NAA60: variants seen among roughly 807,000 people sequenced by gnomAD.
The protein encoded by NAA60 is N-alpha-acetyltransferase 60.
NAA60 carries 8 observed loss-of-function variants against 26.1 expected under a neutral mutation model. The observed-to-expected ratio is 0.31, with a 90% CI of 0.18 to 0.55. The LOEUF is 0.55. Among genes scored for constraint, NAA60 ranks in the 20% least tolerant of loss-of-function variants. NAA60 has a pLI of 0.93. For synonymous variants in NAA60, 131 were observed against 122.5 expected (o/e 1.07, Z -0.46); for missense variants, 290 against 311.3 (o/e 0.93, Z 0.51).
intron 1 of NAA60, among the ~76,000 whole-genome samples, chr16:3,444,170 G>GC (rs2034455633): frequency 6.6e-6 from 1 of 152,032 alleles, no homozygotes; most frequent in African/African-American, 2.4e-5. Flanking sequence ...GACGTTGTTC[G>GC]CCCCCGGATA....
chr16:3,472,622 A>G (rs2150995098), intron 2 of NAA60, among the ~76,000 whole-genome samples: 1 of 152,166 alleles, frequency 6.6e-6, no homozygotes, highest in Non-Finnish European at 1.5e-5. Context: ...TTTAGTAGAG[A>G]CAGGGTTTCA....
At chr16:3,452,235 T>C (rs893572789) in intron 2 of NAA60, among the ~76,000 whole-genome samples, 3 of 151,704 alleles carry the variant, frequency 2.0e-5, no homozygotes, top group Non-Finnish European at 4.4e-5. Context: ...AAAGACTAAT[T>C]CCCTATGTTG....
intron 2 of NAA60, chr16:3,449,891 G>A (rs1191427364): frequency 7.7e-6 from 3 of 388,646 alleles, no homozygotes; most frequent in African/African-American, 4.1e-5. Context: ...TGTGAGACAT[G>A]CCTTTTACCT....
At chr16:3,449,979 G>T in intron 2 of NAA60, 1 of 398,486 alleles carries the variant, frequency 2.5e-6, no homozygotes, top group Non-Finnish European at 4.4e-6. Flanking sequence ...AAATTGCGCA[G>T]TCTCAGGTAT....
chr16:3,446,530 GAA>G (rs200188990), intron 1 of NAA60, among the ~76,000 whole-genome samples: 3 of 81,838 alleles, frequency 3.7e-5, no homozygotes, highest in Non-Finnish European at 4.9e-5. Context: ...GACTCTGTCT[GAA>G]AAAAAAAAAA....
rs570564808 is a variant in NAA60 at position 3,464,022 on chromosome 16, CTTTTA to C, written c.-6-12175_-6-12171del. 4.2e-3 allele frequency among the ~76,000 whole-genome samples: 632 copies of C among 152,236 alleles called. 6 individuals carry two copies. The highest frequency in any genetic ancestry group is 0.015 in the African/African-American group (603 of 41,546). The stretch of plus-strand genomic sequence containing the variant: ...CAGATTCAGGCAGAAATTTGGATTA[CTTTTA>C]TTTTATTTTATTTTATTTTATTTTG... On this transcript the variant is annotated intron_variant, in intron 2 of 7. Coordinates refer to ENST00000407558, the MANE Select transcript of NAA60 (RefSeq NM_001083601.3).
At chr16:3,467,653 C>T (rs541337778) in intron 2 of NAA60, 5 of 152,294 alleles carry the variant, frequency 3.3e-5, no homozygotes, top group Non-Finnish European at 5.9e-5. Flanking sequence ...GTAACTGAAA[C>T]GCAGTCCATT....
rs114680409 is a variant in NAA60 at position 3,461,124 on chromosome 16, T to C, written c.-7+12584T>C. Among the ~76,000 whole-genome samples, 925 of 151,422 alleles carry C rather than the reference T, an allele frequency of 6.1e-3. 16 individuals are homozygous for C. Among genetic ancestry groups the C allele is most frequent in the African/African-American group, 0.021 (860 of 41,266 alleles). ...GGCTGGCAGGACAGTTCAGGACTTA[T>C]CAGAAGCCCAAATATCTTACACTGC... is the stretch of plus-strand genomic sequence containing the variant. On this transcript the variant is annotated intron_variant, in intron 2 of 7. Transcript: ENST00000407558.
chr16:3,476,912 G>A (rs1310927295), intron 3 of NAA60, among the ~76,000 whole-genome samples: 6 of 152,072 alleles, frequency 3.9e-5, no homozygotes, highest in East Asian at 1.9e-4. Context: ...GTGGTGGTGC[G>A]TGCCTGTAAT....
chr16:3,484,130 G>T (rs777511752), intron 6 of NAA60, among the ~76,000 whole-genome samples: 1 of 152,178 alleles, frequency 6.6e-6, no homozygotes, highest in Non-Finnish European at 1.5e-5. Context: ...AGGGAAGCCA[G>T]GAAACTTTAT....
chr16:3,460,555 G>A (rs963506208), intron 2 of NAA60, among the ~76,000 whole-genome samples: 37 of 152,274 alleles, frequency 2.4e-4, no homozygotes, highest in Middle Eastern at 3.4e-3. Context: ...TGGTGGAGAC[G>A]GGGTTTTGCC....
intron 2 of NAA60, among the ~76,000 whole-genome samples, chr16:3,455,111 G>T (rs2034923823): frequency 6.6e-6 from 1 of 152,168 alleles, no homozygotes. Context: ...GAGTGCAATG[G>T]TGCGATCTCG....
intron 2 of NAA60, among the ~76,000 whole-genome samples, chr16:3,474,589 C>T (rs1240868619): frequency 1.3e-5 from 2 of 152,214 alleles, no homozygotes; most frequent in Non-Finnish European, 2.9e-5. Flanking sequence ...AGCAGGAGGG[C>T]GGGAGCTCAG....
rs537501293 is a variant in NAA60 at position 3,485,720 on chromosome 16, G to C, written c.*460G>C. 6.6e-6 allele frequency: 3 copies of C among 456,116 alleles called. No individual in the cohort carries two copies. Among genetic ancestry groups the C allele is most frequent in the South Asian group, 4.6e-5 (3 of 64,566 alleles). 28.3% of individuals were successfully genotyped at this position (456,116 alleles called of 1,614,324 possible). ...TGACCGTAAAGGCACAGGAGCCTCG[G>C]AACAAGGGGGCGCAATAAAGGGAAT... On this transcript the variant is annotated 3_prime_UTR_variant, in exon 8 of 8. Transcript: ENST00000407558.
intron 2 of NAA60, chr16:3,457,929 C>A (rs2035084215): frequency 1.1e-6 from 1 of 879,288 alleles, no homozygotes; most frequent in African/African-American, 2.3e-5. Context: ...CCTGCCCGCT[C>A]CCAACATGGC....
intron 2 of NAA60, among the ~76,000 whole-genome samples, chr16:3,456,344 C>T (rs2034994562): frequency 1.3e-5 from 2 of 152,146 alleles, no homozygotes; most frequent in Non-Finnish European, 1.5e-5. Context: ...GTAGCAGGCA[C>T]CTGAGTTTTG....
chr16:3,465,291 A>G (rs983013357), intron 2 of NAA60, among the ~76,000 whole-genome samples: 31 of 151,432 alleles, frequency 2.0e-4, no homozygotes, highest in South Asian at 2.1e-4. Flanking sequence ...AAAGAAAAGA[A>G]AAAAGGAAAC....
chr16:3,479,706 GC>G, intron 4 of NAA60, 106 bp downstream of exon 4: 1 of 1,355,338 alleles, frequency 7.4e-7, no homozygotes, highest in Non-Finnish European at 1.0e-6. Context: ...CGTCCAAGGA[GC>G]CTGTGACCCA....
intron 2 of NAA60, among the ~76,000 whole-genome samples, chr16:3,450,925 G>A (rs2034759227): frequency 6.6e-6 from 1 of 152,138 alleles, no homozygotes; most frequent in Non-Finnish European, 1.5e-5. Context: ...CAAGGCCATT[G>A]TAAATTAGAA....
Sources: gnomAD v4.1 joint callset for allele counts (sites outside exome capture counted in the v4.1 genomes callset) on GRCh38, gnomAD v4.1.1 for gene constraint, MANE v1.5 for transcripts, NCBI Gene and HGNC (gene_info 2026-07-23, HGNC 2026-07-21) for gene names.